CDON: variants seen among roughly 807,000 people sequenced by gnomAD.
CDON encodes cell adhesion associated, oncogene regulated.
CDON carries 73 observed loss-of-function variants against 120.9 expected under a neutral mutation model. The observed-to-expected ratio is 0.60, with a 90% CI of 0.50 to 0.73. The LOEUF (loss-of-function observed/expected upper bound fraction) is 0.73. CDON is among the 30% of genes least tolerant of loss of function. The pLI, the probability that CDON is intolerant of heterozygous loss-of-function variation, is 0.00. For missense variants in CDON, 1,470 were observed against 1,587.3 expected (o/e 0.93, Z 1.26); for synonymous variants, 566 against 573.5 (o/e 0.99, Z 0.19).
At chr11:126,035,326 G>C (rs573832623) in intron 1 of CDON, among the ~76,000 whole-genome samples, 3 of 152,300 alleles carry the variant, frequency 2.0e-5, no homozygotes, top group African/African-American at 7.2e-5. Context: ...CTGGGTCTCT[G>C]CCACAATGAC....
At chr11:126,006,808 A>G (rs1947142920) in intron 8 of CDON, among the ~76,000 whole-genome samples, 1 of 151,782 alleles carries the variant, frequency 6.6e-6, no homozygotes, top group African/African-American at 2.4e-5. Context: ...AAAAAAAAAT[A>G]GGTTGCATAC....
intron 1 of CDON, among the ~76,000 whole-genome samples, chr11:126,042,970 G>T (rs966768077): frequency 6.6e-6 from 1 of 152,140 alleles, no homozygotes; most frequent in Non-Finnish European, 1.5e-5. Flanking sequence ...TGGAGGCAGG[G>T]AACCTAAGGC....
In CDON at chr11:126,005,928, C is replaced by G. The variant is rs538747187; in HGVS notation, c.1682G>C (p.Ser561Thr). The change falls in exon 9 of 20, where the codon AGT becomes ACT. Residue 561 changes from serine (S) to threonine (T), a missense_variant. Physicochemically the swap from Ser to Thr is moderately conservative, Grantham distance 58. Transcript: ENST00000531738. ...TTTCTCTGGTGCTGATTCCACTGCA[C>G]TGGGATGGACCTTCACCGGAAATGA... ...LSSFPVKVHP[S>T]AVESAPEKNA... is the part of the protein sequence containing the mutation. 2.5e-6 allele frequency: 4 copies of G among 1,614,140 alleles called. No individual in the cohort carries two copies. The South Asian group carries it at 3.3e-5, about 13-fold the overall frequency.
At chr11:126,009,446 T>G (rs115487191) in intron 8 of CDON, among the ~76,000 whole-genome samples, 2,449 of 152,250 alleles carry the variant, frequency 0.016, 23 homozygotes, top group East Asian at 0.046. Context: ...GTGAACTCAC[T>G]GAAGCAGGAA....
intron 17 of CDON, among the ~76,000 whole-genome samples, chr11:125,980,016 TG>T (rs1175728515): frequency 2.0e-5 from 3 of 152,052 alleles, no homozygotes; most frequent in South Asian, 2.1e-4. Context: ...AAACTGAAGA[TG>T]GGGGGAAAAA....
Position 126,023,502 on chromosome 11 carries a change from G to T in CDON, c.-26C>A. On this transcript the variant is annotated 5_prime_UTR_variant, in exon 2 of 20. Transcript: ENST00000531738. ...AGCGCCAGATTACAGAAGCAATCAG[G>T]ACAGGCTTCCAGAGCAAAACCCAGT... 1.3e-6 allele frequency: 2 copies of T among 1,547,654 alleles called. No individual in the cohort carries two copies. Among genetic ancestry groups the T allele is most frequent in the Non-Finnish European group, 1.8e-6 (2 of 1,119,530 alleles).
At chr11:126,038,743 C>A (rs1365041153) in intron 1 of CDON, among the ~76,000 whole-genome samples, 1 of 152,108 alleles carries the variant, frequency 6.6e-6, no homozygotes, top group South Asian at 2.1e-4. Context: ...CAAGAACTTA[C>A]GTTTTAAGAT....
rs771815752 is a variant in CDON, at chr11:125,997,331, G to A, written c.2238C>T (p.Asn746=). ...TGAAGGCAGTGATTGGAGAACCCCC[G>A]TTTGCCCGAGGAATCCAAGTGACAT... ...SVYVTWIPRA[N]GGSPITAFKV... Residue 746 remains asparagine (N), a synonymous_variant, in exon 12 of 20, where the codon AAC becomes AAT. Transcript: ENST00000531738. 28 of 1,613,854 alleles carry A rather than the reference G, an allele frequency of 1.7e-5. No individual in the cohort carries two copies. The East Asian group carries it at 2.7e-4, about 15-fold the overall frequency.
At chr11:126,011,974 C>T (rs1324185561) in intron 7 of CDON, among the ~76,000 whole-genome samples, 1 of 152,162 alleles carries the variant, frequency 6.6e-6, no homozygotes, top group African/African-American at 2.4e-5. Flanking sequence ...TCTGCAATGC[C>T]GGCTCAGTCA....
chr11:126,001,649 C>G lies in CDON; in HGVS notation c.2158+70G>C. 5.0e-6 allele frequency: 7 copies of G among 1,396,078 alleles called. No homozygotes were observed. In the South Asian group the frequency reaches 8.1e-5, roughly 16 times the overall value. 86.5% of individuals were successfully genotyped at this position (1,396,078 alleles called of 1,614,324 possible). A position where few individuals can be genotyped will look rare whatever the true frequency, so the allele number is the denominator to read the frequency against. On this transcript the variant is annotated intron_variant, in intron 11 of 19. Transcript: ENST00000531738. ...GAAAATAAACAAACACCCTATTCCA[C>G]CCCACCTCCCAAAATCTGAAGCAGG...
chr11:126,021,633 T>C, intron 2 of CDON, 113 bp from the exon 3 acceptor site: 1 of 912,552 alleles, frequency 1.1e-6, no homozygotes, highest in South Asian at 1.7e-5. Context: ...GGCAATCTTT[T>C]ATTTTATATA....
Position 125,961,883 on chromosome 11 carries a change from G to T in CDON, c.3472C>A (p.Pro1158Thr). The stretch of plus-strand genomic sequence containing the variant: ...GGGACTGCGGAAGTCAGGCATACAG[G>T]CACCTTCACGTGACTGAGGGGCTTC... ...EMKPLSHVKVPVCLTSAVPDC... is the reference protein window; with the variant it reads ...EMKPLSHVKVTVCLTSAVPDC... The change falls in exon 19 of 20, where the codon CCT becomes ACT. Residue 1158 changes from proline to threonine, a missense_variant. By Grantham distance (38) the Pro-to-Thr change is conservative (BLOSUM62 -1). Transcript: ENST00000531738. The T allele has an allele frequency of 6.2e-7, 1 of 1,614,180 alleles. No homozygotes were observed. Among genetic ancestry groups the T allele is most frequent in the Non-Finnish European group, 8.5e-7 (1 of 1,180,006 alleles).
intron 1 of CDON, among the ~76,000 whole-genome samples, chr11:126,053,509 T>C (rs1252445776): frequency 1.3e-5 from 2 of 152,194 alleles, no homozygotes; most frequent in Non-Finnish European, 2.9e-5. Context: ...CCAACCGCTC[T>C]GATCGGTCAT....
At chr11:125,982,196 G>A (rs1201240019) in intron 16 of CDON, among the ~76,000 whole-genome samples, 3 of 151,584 alleles carry the variant, frequency 2.0e-5, no homozygotes, top group Non-Finnish European at 2.9e-5. Context: ...GGTTGGTTTC[G>A]ATCTCCTGAC....
At position 125,995,042 on chromosome 11, in the gene CDON, G is replaced by A. The variant is rs1946742370; in HGVS notation, c.2373C>T (p.Tyr791=). The change falls in exon 13 of 20, where the codon TAC becomes TAT. Residue 791 remains tyrosine (Y), a synonymous_variant. Transcript: ENST00000531738. ...GGTTGATGGCAATGACCCTAAATTT[G>A]TATGTTGAACCTTTGAGGGAAAACA... is the stretch of plus-strand genomic sequence containing the variant. ...EVRSLEPGST[Y]KFRVIAINHY... is the part of the protein sequence containing the mutation. 1 of 1,613,736 alleles carries A rather than the reference G, an allele frequency of 6.2e-7. No homozygotes were observed. The highest frequency in any genetic ancestry group is 8.5e-7 in the Non-Finnish European group (1 of 1,179,804).
At chr11:126,004,856 C>A (rs1266852864) in intron 9 of CDON, among the ~76,000 whole-genome samples, 1 of 152,162 alleles carries the variant, frequency 6.6e-6, no homozygotes, top group Non-Finnish European at 1.5e-5. Flanking sequence ...CCATTTCATT[C>A]ATGTACTGGT....
chr11:126,045,192 A>G (rs1011325655), intron 1 of CDON, among the ~76,000 whole-genome samples: 1 of 151,874 alleles, frequency 6.6e-6, no homozygotes, highest in Non-Finnish European at 1.5e-5. Context: ...TGTCCAGTTA[A>G]TTTTTTTGTA....
intron 8 of CDON, among the ~76,000 whole-genome samples, chr11:126,006,975 C>A (rs1047085868): frequency 6.6e-6 from 1 of 151,714 alleles, no homozygotes; most frequent in African/African-American, 2.4e-5. Context: ...GTGAAGGCTG[C>A]CAGAAGAATG....
intron 15 of CDON, among the ~76,000 whole-genome samples, chr11:125,987,027 T>C (rs1269450311): frequency 6.6e-6 from 1 of 152,212 alleles, no homozygotes; most frequent in East Asian, 1.9e-4. Flanking sequence ...CAAAAGAGTT[T>C]CTGAGGCACA....
Sources: gnomAD v4.1 joint callset for allele counts (sites outside exome capture counted in the v4.1 genomes callset) on GRCh38, gnomAD v4.1.1 for gene constraint, MANE v1.5 for transcripts, NCBI Gene and HGNC (gene_info 2026-07-23, HGNC 2026-07-21) for gene names.